ARHGEF12: variants seen among roughly 807,000 people sequenced by gnomAD.
The protein encoded by ARHGEF12 is KMT2A/ARHGEF12 fusion protein.
A neutral mutation model predicts 211.2 loss-of-function variants in ARHGEF12; 66 were observed. The observed-to-expected ratio is 0.31, with a 90% CI of 0.26 to 0.38. The LOEUF (loss-of-function observed/expected upper bound fraction) is 0.38. Among genes scored for constraint, ARHGEF12 ranks in the 10% least tolerant of loss-of-function variants. The pLI, the probability that ARHGEF12 is intolerant of heterozygous loss-of-function variation, is 1.00. For synonymous variants in ARHGEF12, 592 were observed against 638.4 expected (o/e 0.93, Z 1.09); for missense variants, 1,429 against 1,869.5 (o/e 0.76, Z 4.34).
chr11:120,477,611 T>C (rs1357598402), intron 36 of ARHGEF12, 85 bp downstream of exon 36: 12 of 1,322,780 alleles, frequency 9.1e-6, no homozygotes, highest in Non-Finnish European at 1.3e-5. Flanking sequence ...ATGCCTGTAA[T>C]CCCAGTGCTT....
chr11:120,345,571 C>T (rs971197301), intron 1 of ARHGEF12, among the ~76,000 whole-genome samples: 1 of 151,888 alleles, frequency 6.6e-6, no homozygotes, highest in Non-Finnish European at 1.5e-5. Flanking sequence ...AGTGTGGTGG[C>T]GGGTGCCTGT....
At chr11:120,357,632 T>G (rs1226866048) in intron 1 of ARHGEF12, among the ~76,000 whole-genome samples, 2 of 152,212 alleles carry the variant, frequency 1.3e-5, no homozygotes, top group African/African-American at 4.8e-5. Context: ...TGCAGTGGCA[T>G]GATCTTGCCT....
At chr11:120,398,640 C>T (rs1944460830) in intron 1 of ARHGEF12, among the ~76,000 whole-genome samples, 1 of 152,086 alleles carries the variant, frequency 6.6e-6, no homozygotes, top group Admixed American at 6.6e-5. Context: ...TAATGTTTGA[C>T]ACCAGAACCA....
intron 38 of ARHGEF12, among the ~76,000 whole-genome samples, chr11:120,480,640 C>T (rs184053213): frequency 6.6e-6 from 1 of 152,186 alleles, no homozygotes. Context: ...GTGAATAAAA[C>T]ACAGAAAAAT....
At chr11:120,381,558 G>A (rs910741845) in intron 1 of ARHGEF12, among the ~76,000 whole-genome samples, 34 of 152,200 alleles carry the variant, frequency 2.2e-4, no homozygotes, top group African/African-American at 7.5e-4. Flanking sequence ...CGCCCCTTCA[G>A]TGAAGTTATG....
chr11:120,357,348 T>C (rs1230309533), intron 1 of ARHGEF12, among the ~76,000 whole-genome samples: 1 of 152,192 alleles, frequency 6.6e-6, no homozygotes, highest in Admixed American at 6.5e-5. Context: ...TGGTCAGAGT[T>C]GAATCAGATA....
intron 7 of ARHGEF12, among the ~76,000 whole-genome samples, chr11:120,426,185 G>A (rs1422991436): frequency 6.6e-6 from 1 of 152,174 alleles, no homozygotes; most frequent in African/African-American, 2.4e-5. Flanking sequence ...AAATTGTTAT[G>A]TGCTGCATAA....
At chr11:120,436,420 G>T (rs76710092) in intron 11 of ARHGEF12, among the ~76,000 whole-genome samples, 1 of 151,948 alleles carries the variant, frequency 6.6e-6, no homozygotes, top group Non-Finnish European at 1.5e-5. Flanking sequence ...ATTGGCACTC[G>T]TTAGGTCTCT....
Position 120,489,328 on chromosome 11 carries a change from T to C in ARHGEF12, c.*4251T>C, listed in dbSNP as rs991113302. 1.3e-5 allele frequency: 3 copies of C among 225,810 alleles called. No homozygotes were observed. Among genetic ancestry groups the C allele is most frequent in the Non-Finnish European group, 2.6e-5 (3 of 113,536 alleles). The allele number at this position is 225,810 out of a possible 1,614,324, so 14.0% of individuals were successfully genotyped here. ...TAATCAGATGGGTTTTGGTATATTA[T>C]TGATTTTTAATTGTGGTGAAATATA... is the stretch of plus-strand genomic sequence containing the variant. On this transcript the variant is annotated 3_prime_UTR_variant, in exon 41 of 41. Coordinates refer to ENST00000397843, the MANE Select transcript of ARHGEF12 (RefSeq NM_015313.3).
At chr11:120,353,269 G>C (rs1037749873) in intron 1 of ARHGEF12, among the ~76,000 whole-genome samples, 1 of 152,198 alleles carries the variant, frequency 6.6e-6, no homozygotes, top group Non-Finnish European at 1.5e-5. Flanking sequence ...ATCTTGGGAA[G>C]TCCCAGGACC....
chr11:120,371,359 A>G (rs1943584580), intron 1 of ARHGEF12, among the ~76,000 whole-genome samples: 2 of 152,278 alleles, frequency 1.3e-5, no homozygotes, highest in Non-Finnish European at 2.9e-5. Context: ...GTGCTGGCGC[A>G]TGCCTGTAAT....
intron 4 of ARHGEF12, among the ~76,000 whole-genome samples, chr11:120,419,931 A>G (rs1178464684): frequency 6.6e-6 from 1 of 152,182 alleles, no homozygotes; most frequent in Non-Finnish European, 1.5e-5. Flanking sequence ...GATCTGGTCT[A>G]TGATAAAACA....
Position 120,348,529 on chromosome 11 carries a change from A to G in ARHGEF12, c.32+11254A>G, listed in dbSNP as rs574646562. ...CTTTGTTTCATGCACAAAATTATTT[A>G]CAGTAGTGTATAAAATTACCGTTAG... is the stretch of plus-strand genomic sequence containing the variant. On this transcript the variant is annotated intron_variant, in intron 1 of 40. Coordinates refer to ENST00000397843, the MANE Select transcript of ARHGEF12 (RefSeq NM_015313.3). 3.3e-5 allele frequency among the ~76,000 whole-genome samples: 5 copies of G among 152,346 alleles called. No individual in the cohort carries two copies. The South Asian group carries it at 6.2e-4, about 19-fold the overall frequency.
At position 120,353,610 on chromosome 11, in the gene ARHGEF12, A is replaced by G. The variant is rs532396264; in HGVS notation, c.32+16335A>G. ...TCCTCGATAGGGATACCTGGCCCCT[A>G]CCCACTGCCTGCCTTGCTTCTGGAT... On this transcript the variant is annotated intron_variant, in intron 1 of 40. Coordinates refer to ENST00000397843, the MANE Select transcript of ARHGEF12 (RefSeq NM_015313.3). 2.6e-5 allele frequency among the ~76,000 whole-genome samples: 4 copies of G among 152,182 alleles called. No homozygotes were observed. The East Asian group carries it at 7.7e-4, about 29-fold the overall frequency.
chr11:120,380,572 C>T (rs1005014213), intron 1 of ARHGEF12, among the ~76,000 whole-genome samples: 1 of 152,256 alleles, frequency 6.6e-6, no homozygotes, highest in East Asian at 1.9e-4. Flanking sequence ...CTGGGTTATG[C>T]GTTTTTGGAA....
In ARHGEF12 at chr11:120,487,800, C is replaced by A. The variant is rs1298116034; in HGVS notation, c.*2723C>A. The A allele has an allele frequency of 4.5e-6, 1 of 220,230 alleles. No individual in the cohort carries two copies. Among genetic ancestry groups the A allele is most frequent in the African/African-American group, 2.2e-5 (1 of 44,544 alleles). 13.6% of individuals were successfully genotyped at this position (220,230 alleles called of 1,614,324 possible). ...GTGGCAAATTACATGTAGAGTGTCT[C>A]CTTCCTTTTCAGAGAACAGTTAATC... On this transcript the variant is annotated 3_prime_UTR_variant, in exon 41 of 41. Transcript: ENST00000397843.
intron 15 of ARHGEF12, 111 bp from the exon 16 acceptor site, chr11:120,445,311 G>C: frequency 1.0e-6 from 1 of 966,700 alleles, no homozygotes. Context: ...GTACTTGATT[G>C]TGCTTGTAGA....
chr11:120,367,983 A>C (rs558425344), intron 1 of ARHGEF12, among the ~76,000 whole-genome samples: 3 of 152,330 alleles, frequency 2.0e-5, no homozygotes, highest in African/African-American at 7.2e-5. Context: ...CTCGTCTCAA[A>C]AATAAATAAA....
intron 1 of ARHGEF12, among the ~76,000 whole-genome samples, chr11:120,389,801 A>G (rs1433606728): frequency 6.6e-6 from 1 of 152,310 alleles, no homozygotes; most frequent in East Asian, 1.9e-4. Flanking sequence ...TTGCTGGCTT[A>G]TTTCACTTAC....
Sources: gnomAD v4.1 joint callset for allele counts (sites outside exome capture counted in the v4.1 genomes callset) on GRCh38, gnomAD v4.1.1 for gene constraint, MANE v1.5 for transcripts, NCBI Gene and HGNC (gene_info 2026-07-23, HGNC 2026-07-21) for gene names.